WDR25: variants seen among roughly 807,000 people sequenced by gnomAD.
WDR25 encodes WD repeat-containing protein 25.
Under a neutral mutation model 47.7 loss-of-function variants are expected in WDR25, and 35 were observed. That is an observed-to-expected ratio of 0.73 (90% CI 0.56 to 0.97). The LOEUF is 0.97. Ranked by LOEUF, WDR25 falls within the 50% of genes least tolerant of loss-of-function variation. The probability of loss-of-function intolerance (pLI) is 0.00; values close to 1 mark genes in which losing one functional copy is unlikely to be tolerated. For synonymous variants in WDR25, 248 were observed against 278.9 expected (o/e 0.89, Z 1.10); for missense variants, 634 against 704.7 (o/e 0.90, Z 1.14).
At chr14:100,479,800 A>G (rs1046418006) in intron 3 of WDR25, among the ~76,000 whole-genome samples, 8 of 152,128 alleles carry the variant, frequency 5.3e-5, no homozygotes, top group Admixed American at 2.0e-4. Context: ...GGGTGAGTGA[A>G]CATTCCCGCC....
Position 100,480,212 on chromosome 14 carries a change from C to A in WDR25, c.971-3782C>A, listed in dbSNP as rs149288918. Among the ~76,000 whole-genome samples, 905 of 152,272 alleles carry A rather than the reference C, an allele frequency of 5.9e-3. 6 individuals are homozygous for A. The highest frequency in any genetic ancestry group is 8.4e-3 in the Non-Finnish European group (573 of 68,026). On this transcript the variant is annotated intron_variant, in intron 3 of 6. Coordinates refer to ENST00000402312, the MANE Select transcript of WDR25 (RefSeq NM_001161476.3). ...CTTCACTACTCCCCTCAGGCTGGAC[C>A]GTTAGGGTGTTGTTTACAGTCCCTT...
At chr14:100,423,779 G>A (rs1319857755) in intron 2 of WDR25, among the ~76,000 whole-genome samples, 1 of 152,190 alleles carries the variant, frequency 6.6e-6, no homozygotes. Flanking sequence ...GAGAACCAGA[G>A]CCTGTGCTGC....
At position 100,424,881 on chromosome 14, in the gene WDR25, A is replaced by C. The variant is rs533169119; in HGVS notation, c.822+43135A>C. ...AACAAGGTGATGCCTTTCCCAGGAC[A>C]TGTGCTCCTGTTGCCCTGCCCCTCC... On this transcript the variant is annotated intron_variant, in intron 2 of 6. Coordinates refer to ENST00000402312, the MANE Select transcript of WDR25 (RefSeq NM_001161476.3). The surrounding 1 kb of genome is among the most constrained non-coding windows in gnomAD (Gnocchi z 4.2). Among the ~76,000 whole-genome samples, 8 of 152,118 alleles carry C rather than the reference A, an allele frequency of 5.3e-5. No individual in the cohort carries two copies. Among genetic ancestry groups the C allele is most frequent in the Non-Finnish European group, 8.8e-5 (6 of 68,020 alleles).
At position 100,430,931 on chromosome 14, in the gene WDR25, C is replaced by G. The variant is rs935016080; in HGVS notation, c.823-37090C>G. On this transcript the variant is annotated intron_variant, in intron 2 of 6. Transcript: ENST00000402312. The surrounding 1 kb of genome is among the most constrained non-coding windows in gnomAD (Gnocchi z 4.7). Reference sequence around the variant, plus strand: ...CTGGCCTCAGCCTGCAGGAATAAATCGCTGGTGAAGGGCTTCCTTCTGGCC... The same window carrying G: ...CTGGCCTCAGCCTGCAGGAATAAATGGCTGGTGAAGGGCTTCCTTCTGGCC... Among the ~76,000 whole-genome samples the G allele has an allele frequency of 2.0e-5, 3 of 152,186 alleles. No homozygotes were observed. Among genetic ancestry groups the G allele is most frequent in the African/African-American group, 4.8e-5 (2 of 41,428 alleles).
At chr14:100,528,928 C>T (rs1006833517) in intron 5 of WDR25, 140 bp from the exon 6 acceptor site, 1 of 992,462 alleles carries the variant, frequency 1.0e-6, no homozygotes, top group Non-Finnish European at 1.4e-6. Flanking sequence ...AGCCACCAAG[C>T]TTGTGGTGAT....
At chr14:100,487,297 A>C (rs1431676943) in intron 4 of WDR25, among the ~76,000 whole-genome samples, 1 of 152,234 alleles carries the variant, frequency 6.6e-6, no homozygotes, top group Non-Finnish European at 1.5e-5. Flanking sequence ...GAGATTTAAA[A>C]AACTTTTGCC....
At position 100,498,857 on chromosome 14, in the gene WDR25, C is replaced by A. The variant is rs1053586934; in HGVS notation, c.1101+14733C>A. 2.0e-5 allele frequency among the ~76,000 whole-genome samples: 3 copies of A among 152,230 alleles called. No individual in the cohort carries two copies. Among genetic ancestry groups the A allele is most frequent in the Non-Finnish European group, 4.4e-5 (3 of 68,054 alleles). ...CTCTAATAGGAACCAAGGTGCCATGCGGGCCAGTGGCAGCCCTGTCCCTCC... is the reference window on the plus strand; with the variant it reads ...CTCTAATAGGAACCAAGGTGCCATGAGGGCCAGTGGCAGCCCTGTCCCTCC... On this transcript the variant is annotated intron_variant, in intron 4 of 6. Transcript: ENST00000402312. This position sits in a 1 kb window ranked among gnomAD's most constrained non-coding sequence, Gnocchi z 4.2.
In WDR25 at chr14:100,381,759, T is replaced by C. The variant is rs1009610991; in HGVS notation, c.822+13T>C. 2 of 1,563,810 alleles carry C rather than the reference T, an allele frequency of 1.3e-6. No individual in the cohort carries two copies. The highest frequency in any genetic ancestry group is 1.9e-5 in the Admixed American group (1 of 53,372). ...TAAAACTTTCAAGGTAAGACTTGAA[T>C]GAAAACTTCTGCTTTCAGATGCTCT... On this transcript the variant is annotated intron_variant, in intron 2 of 6. Coordinates refer to ENST00000402312, the MANE Select transcript of WDR25 (RefSeq NM_001161476.3).
chr14:100,515,335 C>T (rs1016101853), intron 4 of WDR25, among the ~76,000 whole-genome samples: 1 of 152,010 alleles, frequency 6.6e-6, no homozygotes, highest in South Asian at 2.1e-4. Context: ...TGTTTGTCCC[C>T]GAAACCCCAC....
chr14:100,478,583 A>G (rs553766339), intron 3 of WDR25, among the ~76,000 whole-genome samples: 2 of 152,380 alleles, frequency 1.3e-5, no homozygotes, highest in East Asian at 1.9e-4. Flanking sequence ...CCCTTTTAAC[A>G]AAGAAAAGCA....
chr14:100,406,233 G>A (rs1202293085), intron 2 of WDR25, among the ~76,000 whole-genome samples: 3 of 152,208 alleles, frequency 2.0e-5, no homozygotes, highest in Admixed American at 6.5e-5. Context: ...TCGGAGGCCC[G>A]TTGGACTGTT....
chr14:100,521,990 T>G (rs1405510164), intron 4 of WDR25, among the ~76,000 whole-genome samples: 1 of 152,220 alleles, frequency 6.6e-6, no homozygotes, highest in Non-Finnish European at 1.5e-5. Flanking sequence ...CTCTGTGTGA[T>G]TTAAATTTGC....
chr14:100,445,705 C>CGGG, intron 2 of WDR25, among the ~76,000 whole-genome samples: 1 of 152,240 alleles, frequency 6.6e-6, no homozygotes, highest in East Asian at 1.9e-4. Flanking sequence ...TTCTGAAACC[C>CGGG]CCAGGTTGCT....
At chr14:100,478,093 AAAAAC>A (rs952682821) in intron 3 of WDR25, among the ~76,000 whole-genome samples, 2 of 134,294 alleles carry the variant, frequency 1.5e-5, no homozygotes, top group Non-Finnish European at 3.2e-5. Context: ...TCTGTCTCAA[AAAAAC>A]AAAACAAAAC....
intron 4 of WDR25, among the ~76,000 whole-genome samples, chr14:100,490,977 C>A (rs1324249344): frequency 6.6e-6 from 1 of 152,224 alleles, no homozygotes; most frequent in Non-Finnish European, 1.5e-5. Context: ...AGAGTAGGAG[C>A]CTAATGGAGG....
At chr14:100,416,381 C>T (rs1001590038) in intron 2 of WDR25, among the ~76,000 whole-genome samples, 3 of 152,152 alleles carry the variant, frequency 2.0e-5, no homozygotes, top group African/African-American at 7.2e-5. Flanking sequence ...TTGCTGTTTG[C>T]CCTCATACTA....
At chr14:100,413,555 A>G (rs1897775302) in intron 2 of WDR25, among the ~76,000 whole-genome samples, 1 of 151,806 alleles carries the variant, frequency 6.6e-6, no homozygotes, top group Non-Finnish European at 1.5e-5. Context: ...CTGGGACTAC[A>G]GGCGCCCACC....
intron 4 of WDR25, among the ~76,000 whole-genome samples, chr14:100,524,569 T>G (rs1182494387): frequency 6.6e-6 from 1 of 152,154 alleles, no homozygotes; most frequent in Non-Finnish European, 1.5e-5. Flanking sequence ...GGATCATTCT[T>G]TAGGCTTCAG....
chr14:100,472,579 C>T (rs901234044), intron 3 of WDR25, among the ~76,000 whole-genome samples: 5 of 152,266 alleles, frequency 3.3e-5, no homozygotes, highest in Non-Finnish European at 7.3e-5. Flanking sequence ...CCAGATGGCC[C>T]TTGTTGGCAG....
Sources: gnomAD v4.1 joint callset for allele counts (sites outside exome capture counted in the v4.1 genomes callset) on GRCh38, gnomAD v4.1.1 for gene constraint, Gnocchi (gnomAD v3.1) non-coding constraint, MANE v1.5 for transcripts, NCBI Gene and HGNC (gene_info 2026-07-23, HGNC 2026-07-21) for gene names.